The following SCN2A variants were observed in gnomAD, a reference collection of about 807,000 sequenced individuals.
SCN2A encodes sodium channel protein type 2 subunit alpha.
Under a neutral mutation model 188.7 loss-of-function variants are expected in SCN2A, and 20 were observed. The ratio of observed to expected loss-of-function variants is 0.11; its 90% CI spans 0.07 to 0.15. The LOEUF (loss-of-function observed/expected upper bound fraction) is 0.15, where lower values mean the gene tolerates loss of function less well. SCN2A is among the 10% of genes least tolerant of loss of function. The pLI is 1.00. For synonymous variants in SCN2A, 804 were observed against 833.1 expected (o/e 0.97, Z 0.60); for missense variants, 1,278 against 2,445.0 (o/e 0.52, Z 10.07).
chr2:165,285,513 T>C, intron 1 of SCN2A: 1 of 174,624 alleles, frequency 5.7e-6, no homozygotes, highest in Admixed American at 6.0e-5. Flanking sequence ...ACAAAGTAAT[T>C]TCTGTGGACA....
At chr2:165,247,158 G>T (rs1007365947) in intron 1 of SCN2A, among the ~76,000 whole-genome samples, 7 of 151,978 alleles carry the variant, frequency 4.6e-5, no homozygotes, top group African/African-American at 1.7e-4. Context: ...TTACACAAGG[G>T]CATCTCTAGA....
intron 2 of SCN2A, 168 bp from the exon 3 acceptor site, chr2:165,296,849 T>C: frequency 2.1e-6 from 1 of 469,470 alleles, no homozygotes; most frequent in Non-Finnish European, 3.8e-6. Flanking sequence ...GGAAAGTTTA[T>C]AGTGCTCAGA....
chr2:165,381,195 G>T lies in SCN2A; in HGVS notation c.4549G>T (p.Ala1517Ser), dbSNP rs1701583848. 6.4e-7 allele frequency: 1 copy of T among 1,564,822 alleles called. No individual in the cohort carries two copies. The highest frequency in any genetic ancestry group is 8.7e-7 in the Non-Finnish European group (1 of 1,148,636). Residue 1517 changes from alanine (A) to serine (S), a missense_variant and splice_region_variant, in exon 25 of 27, where the codon GCT becomes TCT. This residue lies in a region of SCN2A where 97 missense variants were observed against 266.1 expected (regional missense o/e 0.36). Coordinates refer to ENST00000375437, the MANE Select transcript of SCN2A (RefSeq NM_001040142.2). Reference sequence around the variant, plus strand: ...ACCACAAAAACCCATACCTCGACCTGCTGTAAGAATAACATATTTTCATTG... The same window carrying T: ...ACCACAAAAACCCATACCTCGACCTTCTGTAAGAATAACATATTTTCATTG... ...KKPQKPIPRP[A>S]NKFQGMVFDF... is the part of the protein sequence containing the mutation.
At chr2:165,356,723 A>C (rs1374342380) in intron 17 of SCN2A, among the ~76,000 whole-genome samples, 1 of 152,182 alleles carries the variant, frequency 6.6e-6, no homozygotes, top group Non-Finnish European at 1.5e-5. Flanking sequence ...CTTAACTTTA[A>C]GAGATTTTAC....
intron 1 of SCN2A, among the ~76,000 whole-genome samples, chr2:165,243,286 T>A (rs1239202646): frequency 6.6e-6 from 1 of 152,110 alleles, no homozygotes; most frequent in Non-Finnish European, 1.5e-5. Flanking sequence ...CATTAGCACG[T>A]TCACCAGGAC....
At chr2:165,263,196 T>C (rs1339852207) in intron 1 of SCN2A, among the ~76,000 whole-genome samples, 2 of 152,234 alleles carry the variant, frequency 1.3e-5, no homozygotes, top group Non-Finnish European at 2.9e-5. Flanking sequence ...GTGGGTTGTC[T>C]GTTTACTCTG....
chr2:165,310,540 T>C lies in SCN2A; in HGVS notation c.915T>C (p.Thr305=). 6.2e-7 allele frequency: 1 copy of C among 1,612,946 alleles called. No homozygotes were observed. The highest frequency in any genetic ancestry group is 8.5e-7 in the Non-Finnish European group (1 of 1,179,088). Residue 305 remains threonine, a synonymous_variant, in exon 7 of 27, where the codon ACT becomes ACC. Coordinates refer to ENST00000375437, the MANE Select transcript of SCN2A (RefSeq NM_001040142.2). ...FFNNSLDGNG[T]TFNRTVSIFN... ...ACAATTCATTGGATGGGAATGGTAC[T>C]ACTTTCAATAGGACAGTGAGCATAT...
chr2:165,357,105 T>C (rs1449171108), intron 17 of SCN2A, among the ~76,000 whole-genome samples: 1 of 152,126 alleles, frequency 6.6e-6, no homozygotes, highest in African/African-American at 2.4e-5. Flanking sequence ...TTTCTAGACA[T>C]AAATTTATAA....
At chr2:165,325,483 C>T (rs1249540898) in intron 12 of SCN2A, among the ~76,000 whole-genome samples, 1 of 152,158 alleles carries the variant, frequency 6.6e-6, no homozygotes, top group Non-Finnish European at 1.5e-5. Flanking sequence ...CCCTTGAAAG[C>T]ACATCATTTC....
intron 1 of SCN2A, among the ~76,000 whole-genome samples, chr2:165,293,382 A>G (rs1574519276): frequency 1.3e-5 from 2 of 152,178 alleles, no homozygotes; most frequent in East Asian, 3.9e-4. Context: ...TGTGTACCTC[A>G]TAGAGTGTAC....
chr2:165,285,007 T>A (rs983043597), intron 1 of SCN2A, among the ~76,000 whole-genome samples: 2 of 152,220 alleles, frequency 1.3e-5, no homozygotes, highest in Admixed American at 6.5e-5. Context: ...ATTTCTTTTA[T>A]ATAGTTAACT....
chr2:165,253,521 A>G (rs964986014), intron 1 of SCN2A, among the ~76,000 whole-genome samples: 2 of 152,126 alleles, frequency 1.3e-5, no homozygotes, highest in East Asian at 1.9e-4. Context: ...ATGTCCATAA[A>G]TAAGTTTTAT....
intron 16 of SCN2A, among the ~76,000 whole-genome samples, chr2:165,350,504 G>C (rs142078090): frequency 0.042 from 4,163 of 99,378 alleles, 321 homozygotes; most frequent in African/African-American, 0.16. Flanking sequence ...ACGGAGTCTC[G>C]CTCTGTCGCC....
At chr2:165,291,575 T>TTCTC (rs762280674) in intron 1 of SCN2A, among the ~76,000 whole-genome samples, 60 of 70,556 alleles carry the variant, frequency 8.5e-4, no homozygotes, top group African/African-American at 2.4e-3. Flanking sequence ...CTTCCTTCCT[T>TTCTC]TCTCTCTCTC....
intron 1 of SCN2A, chr2:165,267,119 T>C (rs1694902120): frequency 6.6e-6 from 1 of 151,958 alleles, no homozygotes; most frequent in African/African-American, 2.4e-5. Context: ...GTATAAAAAT[T>C]CCAATGACAT....
At chr2:165,298,438 G>A (rs952093858) in intron 3 of SCN2A, among the ~76,000 whole-genome samples, 9 of 152,158 alleles carry the variant, frequency 5.9e-5, no homozygotes, top group African/African-American at 2.2e-4. Flanking sequence ...GTAACATTCT[G>A]TAAAGTCTCC....
intron 16 of SCN2A, among the ~76,000 whole-genome samples, chr2:165,346,274 A>G (rs1574645880): frequency 6.6e-6 from 1 of 152,066 alleles, no homozygotes; most frequent in Non-Finnish European, 1.5e-5. Flanking sequence ...AGGTTGGGGA[A>G]GTTCTCCTGG....
Position 165,295,982 on chromosome 2 carries a change from C to T in SCN2A, c.159C>T (p.Asn53=). 6.2e-7 allele frequency: 1 copy of T among 1,614,126 alleles called. No homozygotes were observed. ...ATGATGAAAATGGCCCAAAGCCAAA[C>T]AGTGACTTGGAAGCAGGAAAATCTC... ...DEDDENGPKP[N]SDLEAGKSLP... The change falls in exon 2 of 27, where the codon AAC becomes AAT. Residue 53 remains asparagine (N), a synonymous_variant. Transcript: ENST00000375437.
At chr2:165,347,600 A>T (rs73025910) in intron 16 of SCN2A, among the ~76,000 whole-genome samples, 1,969 of 152,254 alleles carry the variant, frequency 0.013, 34 homozygotes, top group African/African-American at 0.044. Flanking sequence ...ATAATAATTT[A>T]AAAAAATTAA....
Sources: gnomAD v4.1 joint callset for allele counts (sites outside exome capture counted in the v4.1 genomes callset) on GRCh38, gnomAD v4.1.1 for gene constraint, gnomAD v4.1.1 regional missense constraint, MANE v1.5 for transcripts, NCBI Gene and HGNC (gene_info 2026-07-23, HGNC 2026-07-21) for gene names.